The following PTPRM variants were observed in gnomAD, a reference collection of about 807,000 sequenced individuals.
PTPRM encodes the protein protein tyrosine phosphatase receptor type M.
PTPRM carries 47 observed loss-of-function variants against 186.7 expected under a neutral mutation model. That is an observed-to-expected ratio of 0.25 (90% CI 0.20 to 0.32). PTPRM has a LOEUF of 0.32. Among genes scored for constraint, PTPRM ranks in the 10% least tolerant of loss-of-function variants. The pLI is 1.00. For missense variants in PTPRM, 1,494 were observed against 1,865.0 expected (o/e 0.80, Z 3.66); for synonymous variants, 668 against 674.9 (o/e 0.99, Z 0.16).
intron 14 of PTPRM, among the ~76,000 whole-genome samples, chr18:8,236,426 T>C (rs1174055454): frequency 6.6e-6 from 1 of 152,242 alleles, no homozygotes; most frequent in African/African-American, 2.4e-5. Context: ...ATGGTACATT[T>C]TTCTCCATCT....
At chr18:8,115,452 G>A (rs1003933451) in intron 13 of PTPRM, among the ~76,000 whole-genome samples, 2 of 152,166 alleles carry the variant, frequency 1.3e-5, no homozygotes, top group Non-Finnish European at 1.5e-5. Context: ...AAGTGCAGAC[G>A]TGTGTTTGTG....
chr18:8,086,160 C>T (rs540471182), intron 10 of PTPRM, among the ~76,000 whole-genome samples: 20 of 152,142 alleles, frequency 1.3e-4, no homozygotes, highest in Non-Finnish European at 1.9e-4. Flanking sequence ...ATCCCCTTGT[C>T]AATCCCAAGT....
At chr18:7,607,063 TG>T (rs2037547813) in intron 1 of PTPRM, among the ~76,000 whole-genome samples, 1 of 151,930 alleles carries the variant, frequency 6.6e-6, no homozygotes, top group South Asian at 2.1e-4. Context: ...GAGGTTTTCA[TG>T]GGAACTTCAC....
chr18:7,656,404 G>A (rs892915896), intron 1 of PTPRM, among the ~76,000 whole-genome samples: 11 of 152,248 alleles, frequency 7.2e-5, no homozygotes, highest in Middle Eastern at 6.8e-3. Context: ...GTGGTTCCCC[G>A]GGGTGAGGGG....
intron 13 of PTPRM, among the ~76,000 whole-genome samples, chr18:8,138,012 G>T (rs1477789518): frequency 6.6e-6 from 1 of 152,154 alleles, no homozygotes; most frequent in South Asian, 2.1e-4. Context: ...CTAAATAAGG[G>T]GCTGCTAATT....
intron 3 of PTPRM, among the ~76,000 whole-genome samples, chr18:7,895,186 G>T (rs1253754553): frequency 7.2e-5 from 11 of 152,064 alleles, no homozygotes; most frequent in African/African-American, 2.7e-4. Context: ...AATTACAGCG[G>T]GGTGGGGGGT....
chr18:8,372,335 A>G (rs1598480605), intron 24 of PTPRM, among the ~76,000 whole-genome samples: 1 of 151,268 alleles, frequency 6.6e-6, no homozygotes, highest in African/African-American at 2.4e-5. Flanking sequence ...CGGCCTCCCA[A>G]AGTGCTGGGA....
intron 17 of PTPRM, among the ~76,000 whole-genome samples, chr18:8,249,571 G>A (rs11665530): frequency 0.074 from 11,314 of 152,260 alleles, 543 homozygotes; most frequent in Middle Eastern, 0.25. Context: ...TTCTTCATGT[G>A]CTGTGGCATT....
chr18:8,036,811 T>G (rs2086363251), intron 7 of PTPRM, among the ~76,000 whole-genome samples: 2 of 152,200 alleles, frequency 1.3e-5, no homozygotes, highest in Non-Finnish European at 2.9e-5. Context: ...GTAATGTGGG[T>G]ATATCCAAAT....
chr18:8,064,683 C>A (rs1266547605), intron 7 of PTPRM, among the ~76,000 whole-genome samples: 1 of 152,068 alleles, frequency 6.6e-6, no homozygotes, highest in Non-Finnish European at 1.5e-5. Flanking sequence ...TTGTTGTATC[C>A]CAGCAATTTC....
intron 2 of PTPRM, among the ~76,000 whole-genome samples, chr18:7,779,116 G>A (rs557045121): frequency 6.6e-6 from 1 of 152,056 alleles, no homozygotes; most frequent in African/African-American, 2.4e-5. Context: ...AAATGTGAAG[G>A]TAACTTATAA....
At chr18:8,171,908 T>C (rs1005465258) in intron 14 of PTPRM, among the ~76,000 whole-genome samples, 19 of 152,182 alleles carry the variant, frequency 1.2e-4, no homozygotes, top group African/African-American at 4.1e-4. Context: ...ACACAAAACC[T>C]ATTTTATAAT....
intron 2 of PTPRM, among the ~76,000 whole-genome samples, chr18:7,783,887 G>A (rs574968797): frequency 1.3e-5 from 2 of 152,064 alleles, no homozygotes; most frequent in African/African-American, 2.4e-5. Flanking sequence ...AATTACAGGT[G>A]GAAGCCACTG....
At chr18:7,873,391 A>G (rs1178011447) in intron 2 of PTPRM, among the ~76,000 whole-genome samples, 1 of 152,230 alleles carries the variant, frequency 6.6e-6, no homozygotes, top group East Asian at 1.9e-4. Flanking sequence ...AGACTAAATC[A>G]TCAGCTCCAG....
At chr18:8,400,696 T>A (rs184856817) in intron 32 of PTPRM, among the ~76,000 whole-genome samples, 174 of 152,276 alleles carry the variant, frequency 1.1e-3, no homozygotes, top group African/African-American at 4.1e-3. Context: ...CTCTGTAACT[T>A]ACAGCCGACC....
chr18:8,185,940 G>A (rs573035350), intron 14 of PTPRM, among the ~76,000 whole-genome samples: 47 of 152,186 alleles, frequency 3.1e-4, no homozygotes, highest in Middle Eastern at 3.4e-3. Context: ...GGGGAAATCT[G>A]GTTTCTAAAT....
At chr18:7,848,915 T>C (rs2046729091) in intron 2 of PTPRM, among the ~76,000 whole-genome samples, 1 of 152,206 alleles carries the variant, frequency 6.6e-6, no homozygotes, top group Non-Finnish European at 1.5e-5. Context: ...ACATTAACTT[T>C]GGAAAGTTAA....
At chr18:7,782,140 T>A (rs993256179) in intron 2 of PTPRM, among the ~76,000 whole-genome samples, 3 of 152,206 alleles carry the variant, frequency 2.0e-5, no homozygotes, top group Non-Finnish European at 2.9e-5. Flanking sequence ...AACCATTTCA[T>A]GTCAGTGACC....
chr18:7,850,293 G>A (rs1378645118), intron 2 of PTPRM, among the ~76,000 whole-genome samples: 1 of 152,150 alleles, frequency 6.6e-6, no homozygotes, highest in Non-Finnish European at 1.5e-5. Context: ...TAGTAATTCT[G>A]TTTTCAGTAA....
Sources: allele counts gnomAD v4.1 joint callset (sites outside exome capture counted in the v4.1 genomes callset), GRCh38; gene constraint gnomAD v4.1.1; transcripts MANE v1.5; gene names NCBI Gene and HGNC (gene_info 2026-07-23, HGNC 2026-07-21).